PCDHGB5: variants seen among roughly 807,000 people sequenced by gnomAD.
PCDHGB5 encodes the protein protocadherin gamma subfamily B, 5.
In PCDHGB5, 48 loss-of-function variants were observed where a neutral mutation model predicts 62.9. The ratio of observed to expected loss-of-function variants is 0.76; its 90% confidence interval spans 0.61 to 0.97. The LOEUF (loss-of-function observed/expected upper bound fraction) is 0.97, where lower values mean the gene tolerates loss of function less well. PCDHGB5 is among the 50% of genes least tolerant of loss of function. PCDHGB5 has a pLI of 0.00. For synonymous variants in PCDHGB5, 474 were observed against 511.2 expected, an observed-to-expected ratio of 0.93 and a Z score of 0.98; for missense variants, 1,118 against 1,198.6, an observed-to-expected ratio of 0.93 and a Z score of 0.99.
At position 141,477,100 on chromosome 5, in the gene PCDHGB5, C is replaced by A. The variant is rs970613825; in HGVS notation, c.2398-17707C>A. On this transcript the variant is annotated intron_variant, in intron 1 of 3. Transcript: ENST00000617380. This position sits in a 1 kb window ranked among gnomAD's most constrained non-coding sequence, Gnocchi z 4.9. ...TTTACATCCAGGCCAAAGACAAGGGCGCCAATCCCGAAGGAGCACATTGCA... is the reference window on the plus strand; with the variant it reads ...TTTACATCCAGGCCAAAGACAAGGGAGCCAATCCCGAAGGAGCACATTGCA... 1 of 1,614,216 alleles carries A rather than the reference C, an allele frequency of 6.2e-7. No homozygotes were observed. Among genetic ancestry groups the A allele is most frequent in the Non-Finnish European group, 8.5e-7 (1 of 1,180,040 alleles).
chr5:141,403,607 G>A (rs2094432931), intron 1 of PCDHGB5: 6 of 1,613,854 alleles, frequency 3.7e-6, no homozygotes, highest in Non-Finnish European at 5.1e-6. Flanking sequence ...GGATGGCGGC[G>A]AGCCGCGTCG....
At chr5:141,405,575 G>C in intron 1 of PCDHGB5, 1 of 598,040 alleles carries the variant, frequency 1.7e-6, no homozygotes. Flanking sequence ...GAGTAGAGTA[G>C]CTGGGACTAC....
chr5:141,402,977 C>T, intron 1 of PCDHGB5: 2 of 1,608,138 alleles, frequency 1.2e-6, no homozygotes, highest in Non-Finnish European at 8.5e-7. Flanking sequence ...CAAATGCCAG[C>T]TCCGCGGAAG....
Position 141,432,503 on chromosome 5 carries a change from G to A in PCDHGB5, c.2397+31979G>A, listed in dbSNP as rs939325676. On this transcript the variant is annotated intron_variant, in intron 1 of 3. Transcript: ENST00000617380. This position sits in a 1 kb window ranked among gnomAD's most constrained non-coding sequence, Gnocchi z 6.0. ...TGGCGTGGAGCTGGCTCCCCGCTCC[G>A]CAGAGCCCGGCTACCTGGTGACCAA... 5 of 1,613,988 alleles carry A rather than the reference G, an allele frequency of 3.1e-6. No individual in the cohort carries two copies. Among genetic ancestry groups the A allele is most frequent in the Non-Finnish European group, 2.5e-6 (3 of 1,180,038 alleles).
chr5:141,459,595 T>C (rs904266180), intron 1 of PCDHGB5, among the ~76,000 whole-genome samples: 10 of 152,232 alleles, frequency 6.6e-5, no homozygotes, highest in African/African-American at 9.6e-5. Context: ...TCATATGAAA[T>C]GGGAAGTATA....
intron 1 of PCDHGB5, among the ~76,000 whole-genome samples, chr5:141,458,412 G>A (rs2098945236): frequency 6.6e-6 from 1 of 152,034 alleles, no homozygotes; most frequent in Non-Finnish European, 1.5e-5. Context: ...ACGGAGCGGG[G>A]GTTCCAAAGC....
At chr5:141,416,620 G>T (rs1395913352) in intron 1 of PCDHGB5, 1 of 152,142 alleles carries the variant, frequency 6.6e-6, no homozygotes, top group Non-Finnish European at 1.5e-5. Flanking sequence ...CATTTCTGCA[G>T]ATCAGAATAT....
chr5:141,485,995 T>G lies in PCDHGB5; in HGVS notation c.2398-8812T>G. 1 of 1,614,176 alleles carries G rather than the reference T, an allele frequency of 6.2e-7. No individual in the cohort carries two copies. On this transcript the variant is annotated intron_variant, in intron 1 of 3. Transcript: ENST00000617380. The surrounding 1 kb of genome is among the most constrained non-coding windows in gnomAD (Gnocchi z 5.7). ...CCTCAGACCCGGACCTGGGTCCCAG[T>G]GGTAACGTCACCTTTTATTTCAGTG...
intron 1 of PCDHGB5, among the ~76,000 whole-genome samples, chr5:141,481,241 A>C (rs557107835): frequency 2.0e-5 from 3 of 152,350 alleles, no homozygotes; most frequent in South Asian, 2.1e-4. Flanking sequence ...AGTATTACAT[A>C]GCATAGCTCT....
At chr5:141,504,288 GT>G (rs1175142876) in intron 2 of PCDHGB5, among the ~76,000 whole-genome samples, 1 of 152,124 alleles carries the variant, frequency 6.6e-6, no homozygotes, top group Non-Finnish European at 1.5e-5. Flanking sequence ...ATCATTTCAT[GT>G]TTTTTCAACA....
At chr5:141,503,745 G>A (rs1377110427) in intron 2 of PCDHGB5, among the ~76,000 whole-genome samples, 3 of 152,220 alleles carry the variant, frequency 2.0e-5, no homozygotes, top group South Asian at 2.1e-4. Flanking sequence ...ATGGTATAGA[G>A]GTCACACATG....
Position 141,405,419 on chromosome 5 carries a change from TTTG to T in PCDHGB5, c.2397+4898_2397+4900del, listed in dbSNP as rs372094745. On this transcript the variant is annotated intron_variant, in intron 1 of 3. Transcript: ENST00000617380. ...CTTTCTTTCTTTTCTTTTTTTGTTT[TTTG>T]TTTTGTTTTGTTTTTGAGACAGAGT... The T allele has an allele frequency of 6.8e-4, 1,019 of 1,509,010 alleles. 10 individuals are homozygous for T. In the African/African-American group the frequency reaches 0.012, roughly 18 times the overall value. The allele number at this position is 1,509,010 out of a possible 1,614,324, so 93.5% of individuals were successfully genotyped here.
At chr5:141,421,504 C>G (rs757410882) in intron 1 of PCDHGB5, 1 of 1,614,062 alleles carries the variant, frequency 6.2e-7, no homozygotes, top group South Asian at 1.1e-5. Flanking sequence ...CAGGATAGAC[C>G]GGGAGGAGCT....
intron 1 of PCDHGB5, among the ~76,000 whole-genome samples, chr5:141,480,451 T>G (rs2099519323): frequency 6.6e-6 from 1 of 152,136 alleles, no homozygotes; most frequent in African/African-American, 2.4e-5. Flanking sequence ...ATAATTATTT[T>G]TATTAGTTCC....
At chr5:141,469,743 A>G (rs1166798506) in intron 1 of PCDHGB5, among the ~76,000 whole-genome samples, 1 of 152,252 alleles carries the variant, frequency 6.6e-6, no homozygotes, top group Non-Finnish European at 1.5e-5. Context: ...CACCTCAAAA[A>G]TTACAAAAAT....
In PCDHGB5 at chr5:141,511,106, G is replaced by A. The variant is rs536900646; in HGVS notation, c.2705G>A (p.Arg902Gln). 4.6e-5 allele frequency: 75 copies of A among 1,614,196 alleles called. No individual in the cohort carries two copies. In the East Asian group the frequency reaches 5.8e-4, roughly 12 times the overall value. Reference protein sequence around the residue: ...NATLTNAAGKRDGKAPAGGNG... With the variant: ...NATLTNAAGKQDGKAPAGGNG... ...ACACTGACCAACGCAGCTGGCAAGC[G>A]GGATGGCAAGGCCCCAGCAGGTGGC... The change falls in exon 4 of 4, where the codon CGG (arginine) becomes CAG (glutamine). Residue 902 changes from arginine (R) to glutamine (Q), a missense_variant. Around this residue, in one of 2 missense-constraint regions of PCDHGB5, gnomAD observed 1,034 missense variants for 1,029.1 expected, o/e 1.00. Coordinates refer to ENST00000617380, the MANE Select transcript of PCDHGB5 (RefSeq NM_018925.3).
chr5:141,495,529 C>T (rs1466269939), intron 2 of PCDHGB5, among the ~76,000 whole-genome samples: 1 of 152,210 alleles, frequency 6.6e-6, no homozygotes, highest in African/African-American at 2.4e-5. Flanking sequence ...ACCTCTCAGT[C>T]CTTCCCTCAG....
intron 1 of PCDHGB5, chr5:141,433,307 C>T (rs982853368): frequency 2.2e-6 from 2 of 913,640 alleles, no homozygotes; most frequent in Admixed American, 2.7e-5. Context: ...AATTATCCCA[C>T]CTTTGCCTCC....
chr5:141,472,079 G>T (rs2099271048), intron 1 of PCDHGB5, among the ~76,000 whole-genome samples: 1 of 152,124 alleles, frequency 6.6e-6, no homozygotes, highest in African/African-American at 2.4e-5. Flanking sequence ...TTATATCAAT[G>T]AGTACTATTA....
Sources: gnomAD v4.1 joint callset for allele counts (sites outside exome capture counted in the v4.1 genomes callset) on GRCh38, gnomAD v4.1.1 for gene constraint, gnomAD v4.1.1 regional missense constraint, Gnocchi (gnomAD v3.1) non-coding constraint, MANE v1.5 for transcripts, NCBI Gene and HGNC (gene_info 2026-07-23, HGNC 2026-07-21) for gene names.